Variants in SLC71A1 observed in about 807,000 individuals in gnomAD.
The protein encoded by SLC71A1 is hippocampus abundant gene transcript 1.
the SLC71A1 span, chr1:100,078,553 G>A: frequency 6.3e-7 from 1 of 1,591,064 alleles, no homozygotes; most frequent in Non-Finnish European, 8.6e-7. Context: ...AACAGGGTGA[G>A]TTGATAGGAA....
the SLC71A1 span, among the ~76,000 whole-genome samples, chr1:100,043,446 A>T: frequency 6.6e-6 from 1 of 152,234 alleles, no homozygotes; most frequent in Admixed American, 6.5e-5. Context: ...TTTTTTAAAA[A>T]ATAAATAATA....
At chr1:100,038,100 C>G in the SLC71A1 span, 2 of 743,888 alleles carry the variant, frequency 2.7e-6, no homozygotes, top group African/African-American at 3.5e-5. Context: ...CCGCCGGAGG[C>G]AGGCCGGGCC....
At chr1:100,045,131 G>A in the SLC71A1 span, among the ~76,000 whole-genome samples, 1 of 152,278 alleles carries the variant, frequency 6.6e-6, no homozygotes, top group Non-Finnish European at 1.5e-5. Flanking sequence ...TCCCTTCCAT[G>A]AACATGGGAT....
At chr1:100,075,866 T>C in the SLC71A1 span, among the ~76,000 whole-genome samples, 1 of 152,112 alleles carries the variant, frequency 6.6e-6, no homozygotes, top group East Asian at 1.9e-4. Context: ...TTTGTAGAGA[T>C]GTGGTCTCTT....
the SLC71A1 span, chr1:100,061,890 G>A: frequency 6.2e-7 from 1 of 1,613,556 alleles, no homozygotes; most frequent in South Asian, 1.1e-5. Flanking sequence ...TTTTTCTGTG[G>A]TATTTGCATA....
At chr1:100,046,973 T>A in the SLC71A1 span, among the ~76,000 whole-genome samples, 1 of 152,238 alleles carries the variant, frequency 6.6e-6, no homozygotes, top group South Asian at 2.1e-4. Flanking sequence ...TATTTAGGGT[T>A]CTCTCTATAT....
chr1:100,068,636 T>G, the SLC71A1 span: 5 of 1,006,034 alleles, frequency 5.0e-6, no homozygotes, highest in African/African-American at 1.6e-5. Flanking sequence ...GTCTAGTGCT[T>G]TAATAAAAAT....
the SLC71A1 span, among the ~76,000 whole-genome samples, chr1:100,051,007 C>T: frequency 6.6e-6 from 1 of 151,530 alleles, no homozygotes; most frequent in South Asian, 2.1e-4. Flanking sequence ...ATCACTTGAG[C>T]CCAGGAGGCA....
At chr1:100,039,329 A>T in the SLC71A1 span, among the ~76,000 whole-genome samples, 1 of 152,236 alleles carries the variant, frequency 6.6e-6, no homozygotes, top group African/African-American at 2.4e-5. Flanking sequence ...AGCCGCGATC[A>T]ACTGCTAGCA....
the SLC71A1 span, among the ~76,000 whole-genome samples, chr1:100,063,290 CAAAACAAAACA>C: frequency 1.4e-3 from 210 of 149,582 alleles, no homozygotes; most frequent in African/African-American, 4.6e-3. Context: ...CAAAACAAAA[CAAAACAAAACA>C]AAAAACACTG....
chr1:100,049,480 C>T, the SLC71A1 span, among the ~76,000 whole-genome samples: 1 of 152,158 alleles, frequency 6.6e-6, no homozygotes, highest in Non-Finnish European at 1.5e-5. Context: ...TGTAGCTTGT[C>T]TTTCAATACA....
the SLC71A1 span, among the ~76,000 whole-genome samples, chr1:100,067,453 G>T: frequency 0.01 from 1,593 of 152,142 alleles, 15 homozygotes; most frequent in Middle Eastern, 0.058. Context: ...GTTTCTCCAT[G>T]TTGTCCAGGC....
At chr1:100,059,380 G>T in the SLC71A1 span, among the ~76,000 whole-genome samples, 5 of 151,288 alleles carry the variant, frequency 3.3e-5, no homozygotes, top group African/African-American at 1.2e-4. Context: ...GGCTGGTCTC[G>T]AACTCCTGAC....
chr1:100,049,901 T>C, the SLC71A1 span: 3 of 1,523,338 alleles, frequency 2.0e-6, no homozygotes, highest in Non-Finnish European at 2.7e-6. Flanking sequence ...AAATCTTGTT[T>C]TTTATAGCCT....
the SLC71A1 span, chr1:100,038,103 GC>G: frequency 1.3e-6 from 1 of 770,890 alleles, no homozygotes; most frequent in African/African-American, 1.7e-5. Context: ...CCGGAGGCAG[GC>G]CGGGCCCTCA....
the SLC71A1 span, among the ~76,000 whole-genome samples, chr1:100,051,038 T>C: frequency 6.8e-6 from 1 of 148,090 alleles, no homozygotes. Context: ...TGACCCGATA[T>C]CGTGCCACCA....
the SLC71A1 span, chr1:100,078,758 C>T: frequency 2.3e-6 from 1 of 427,134 alleles, no homozygotes; most frequent in Admixed American, 4.0e-5. Context: ...TGTGGCTTAT[C>T]TGTTCTGTTC....
At chr1:100,061,749 C>T in the SLC71A1 span, 7 of 845,188 alleles carry the variant, frequency 8.3e-6, no homozygotes, top group East Asian at 1.5e-4. Context: ...ATGAGCTGCT[C>T]TTACGCTTAA....
At chr1:100,072,580 T>TA in the SLC71A1 span, among the ~76,000 whole-genome samples, 15,214 of 142,982 alleles carry the variant, frequency 0.11, 1,049 homozygotes, top group African/African-American at 0.19. Flanking sequence ...TCCATAATGT[T>TA]AAAAAAAAAA....
Sources: gnomAD v4.1 joint callset for allele counts (sites outside exome capture counted in the v4.1 genomes callset) on GRCh38, gnomAD v4.1.1 for gene constraint, MANE v1.5 for transcripts, NCBI Gene and HGNC (gene_info 2026-07-23, HGNC 2026-07-21) for gene names.